The following LRP1B variants were observed in gnomAD, a reference collection of about 807,000 sequenced individuals.
The protein encoded by LRP1B is LDL receptor related protein 1B.
In LRP1B, 217 loss-of-function variants were observed where a neutral mutation model predicts 556.6. The ratio of observed to expected loss-of-function variants is 0.39; its 90% CI spans 0.35 to 0.44. The LOEUF (loss-of-function observed/expected upper bound fraction) is 0.44. Ranked by LOEUF, LRP1B falls within the 20% of genes least tolerant of loss-of-function variation. LRP1B has a pLI of 1.00. For synonymous variants in LRP1B, 2,047 were observed against 1,865.8 expected (o/e 1.10, Z -2.50); for missense variants, 5,053 against 5,620.8 (o/e 0.90, Z 3.23).
At chr2:140,514,238 C>G (rs2104930044) in intron 51 of LRP1B, among the ~76,000 whole-genome samples, 1 of 152,050 alleles carries the variant, frequency 6.6e-6, no homozygotes, top group Admixed American at 6.5e-5. Flanking sequence ...ACAACACACA[C>G]ATATGCACAT....
intron 37 of LRP1B, among the ~76,000 whole-genome samples, chr2:140,714,865 C>T (rs546177568): frequency 3.3e-4 from 50 of 152,146 alleles, no homozygotes; most frequent in Admixed American, 2.1e-3. Context: ...CAAACAAGAA[C>T]ACGTACAGCT....
At chr2:141,555,697 A>C (rs866646528) in intron 2 of LRP1B, among the ~76,000 whole-genome samples, 2 of 151,922 alleles carry the variant, frequency 1.3e-5, no homozygotes, top group African/African-American at 4.8e-5. Context: ...AATAAATGTT[A>C]AAAACCCTTA....
intron 82 of LRP1B, among the ~76,000 whole-genome samples, chr2:140,320,913 A>T (rs1443900226): frequency 1.3e-5 from 2 of 151,970 alleles, no homozygotes; most frequent in Non-Finnish European, 2.9e-5. Flanking sequence ...AAAATTATCC[A>T]GGCATAGTGA....
chr2:141,139,281 A>T (rs930208818), intron 7 of LRP1B, among the ~76,000 whole-genome samples: 1 of 151,946 alleles, frequency 6.6e-6, no homozygotes, highest in African/African-American at 2.4e-5. Flanking sequence ...CATAAAACAA[A>T]ATCTTTATAA....
intron 1 of LRP1B, among the ~76,000 whole-genome samples, chr2:142,019,371 T>C (rs1703256928): frequency 1.3e-5 from 2 of 152,200 alleles, no homozygotes; most frequent in African/African-American, 4.8e-5. Context: ...GGATGTTCTT[T>C]GACTCCTCCT....
intron 5 of LRP1B, among the ~76,000 whole-genome samples, chr2:141,238,707 G>C (rs1683749479): frequency 6.6e-6 from 1 of 152,078 alleles, no homozygotes; most frequent in Non-Finnish European, 1.5e-5. Flanking sequence ...CTTATCTTTA[G>C]AGAGAGTAAT....
chr2:141,292,278 C>T (rs1188398186), intron 3 of LRP1B, among the ~76,000 whole-genome samples: 43 of 152,278 alleles, frequency 2.8e-4, no homozygotes, highest in Non-Finnish European at 2.9e-5. Flanking sequence ...TGAAACTGGT[C>T]CCAGGTACCA....
intron 31 of LRP1B, among the ~76,000 whole-genome samples, chr2:140,827,432 T>A (rs1364875751): frequency 1.3e-5 from 2 of 151,946 alleles, no homozygotes; most frequent in Non-Finnish European, 1.5e-5. Flanking sequence ...TAATAATTTT[T>A]AAAAATCAAA....
intron 2 of LRP1B, among the ~76,000 whole-genome samples, chr2:141,594,849 T>TA (rs1687464209): frequency 6.6e-6 from 1 of 152,140 alleles, no homozygotes; most frequent in African/African-American, 2.4e-5. Context: ...TGAACAAAGA[T>TA]AAAAGTATGC....
chr2:140,793,245 CA>C (rs1690184257), intron 32 of LRP1B, among the ~76,000 whole-genome samples: 1 of 151,892 alleles, frequency 6.6e-6, no homozygotes, highest in African/African-American at 2.4e-5. Context: ...ACTACATTAG[CA>C]TTAATGTTAT....
At chr2:140,476,916 T>C (rs1008023169) in intron 59 of LRP1B, among the ~76,000 whole-genome samples, 5 of 152,076 alleles carry the variant, frequency 3.3e-5, no homozygotes, top group African/African-American at 1.2e-4. Flanking sequence ...AAACATACTT[T>C]GAAAATCTCA....
intron 81 of LRP1B, among the ~76,000 whole-genome samples, chr2:140,323,617 AAGAATTTTAGAAAC>A (rs1195286920): frequency 2.0e-5 from 3 of 151,942 alleles, no homozygotes; most frequent in Non-Finnish European, 4.4e-5. Context: ...AATAAAATAA[AAGAATTTTAGAAAC>A]AGAATAACAG....
At chr2:141,678,411 A>C (rs1690969225) in intron 2 of LRP1B, among the ~76,000 whole-genome samples, 2 of 152,172 alleles carry the variant, frequency 1.3e-5, no homozygotes, top group Admixed American at 1.3e-4. Flanking sequence ...GAAACAAAAA[A>C]AATGTATGTT....
At chr2:141,878,810 A>T (rs1558935763) in intron 1 of LRP1B, among the ~76,000 whole-genome samples, 1 of 151,816 alleles carries the variant, frequency 6.6e-6, no homozygotes, top group Non-Finnish European at 1.5e-5. Flanking sequence ...ATCTATTTGG[A>T]ATTTTTTTTT....
At chr2:141,139,168 C>T (rs755801862) in intron 7 of LRP1B, among the ~76,000 whole-genome samples, 11 of 151,650 alleles carry the variant, frequency 7.3e-5, no homozygotes, top group Non-Finnish European at 1.3e-4. Flanking sequence ...TAGATTCATG[C>T]CTTATACCAT....
intron 1 of LRP1B, among the ~76,000 whole-genome samples, chr2:141,882,380 A>T (rs1242937730): frequency 2.0e-5 from 3 of 152,270 alleles, no homozygotes; most frequent in Admixed American, 1.3e-4. Context: ...ATTAAACCCT[A>T]ATATGGGGTC....
At position 141,544,331 on chromosome 2, in the gene LRP1B, C is replaced by CTTCTTCTTCTTCTTCTT. The variant is rs1559131082; in HGVS notation, c.206-63815_206-63799dup. Among the ~76,000 whole-genome samples the CTTCTTCTTCTTCTTCTT allele has an allele frequency of 6.1e-3, 180 of 29,470 alleles. 11 individuals carry two copies. In the Middle Eastern group the frequency reaches 0.093, roughly 15 times the overall value. The allele number at this position is 29,470 out of a possible 152,430, so 19.3% of individuals were successfully genotyped here. A position where few individuals can be genotyped will look rare whatever the true frequency, so the allele number is the denominator to read the frequency against. ...TCTTCTTCTTCTTCTTCTTCTTCTTCTTCTTCTTCTTCTTCTTCTTCTTCT... is the reference window on the plus strand; with the variant it reads ...TCTTCTTCTTCTTCTTCTTCTTCTTCTTCTTCTTCTTCTTCTTTTCTTCTTCTTCTTCTTCTTCTTCT... On this transcript the variant is annotated intron_variant, in intron 2 of 90. Transcript: ENST00000389484.
At chr2:141,475,399 A>G in intron 3 of LRP1B, among the ~76,000 whole-genome samples, 1 of 152,072 alleles carries the variant, frequency 6.6e-6, no homozygotes, top group East Asian at 1.9e-4. Context: ...TGGCACTACA[A>G]ATGTAATCTA....
intron 2 of LRP1B, among the ~76,000 whole-genome samples, chr2:141,494,434 C>G (rs1683444309): frequency 6.6e-6 from 1 of 151,994 alleles, no homozygotes; most frequent in African/African-American, 2.4e-5. Flanking sequence ...CAACACTAAA[C>G]ACTCAGCCAG....
Sources: gnomAD v4.1 joint callset for allele counts (sites outside exome capture counted in the v4.1 genomes callset) on GRCh38, gnomAD v4.1.1 for gene constraint, MANE v1.5 for transcripts, NCBI Gene and HGNC (gene_info 2026-07-23, HGNC 2026-07-21) for gene names.